The following PCDH7 variants were observed in gnomAD, a reference collection of about 807,000 sequenced individuals.
The protein encoded by PCDH7 is protocadherin-7.
Under a neutral mutation model 58.9 loss-of-function variants are expected in PCDH7, and 17 were observed. The ratio of observed to expected loss-of-function variants is 0.29; its 90% CI spans 0.20 to 0.43. The LOEUF is 0.43. Ranked by LOEUF, PCDH7 falls within the 20% of genes least tolerant of loss-of-function variation. The pLI, the probability that PCDH7 is intolerant of heterozygous loss-of-function variation, is 1.00. For missense variants in PCDH7, 1,274 were observed against 1,441.0 expected, an observed-to-expected ratio of 0.88 and a Z score of 1.88; for synonymous variants, 664 against 616.4, an observed-to-expected ratio of 1.08 and a Z score of -1.14.
At chr4:30,891,594 T>C (rs1738613423) in intron 1 of PCDH7, among the ~76,000 whole-genome samples, 1 of 152,034 alleles carries the variant, frequency 6.6e-6, no homozygotes, top group Admixed American at 6.6e-5. Flanking sequence ...AACTTATCAG[T>C]GTGTCTGATC....
intron 1 of PCDH7, among the ~76,000 whole-genome samples, chr4:30,895,350 A>G (rs1050866424): frequency 1.3e-5 from 2 of 152,154 alleles, no homozygotes; most frequent in South Asian, 2.1e-4. Context: ...TAGTTTAAGT[A>G]TCTTCAGGTA....
At chr4:30,961,113 A>T (rs1442079635) in intron 3 of PCDH7, among the ~76,000 whole-genome samples, 1 of 152,138 alleles carries the variant, frequency 6.6e-6, no homozygotes, top group African/African-American at 2.4e-5. Flanking sequence ...AAATGAATAC[A>T]GTCACTTATT....
chr4:30,940,771 A>C (rs1386356168), intron 2 of PCDH7, among the ~76,000 whole-genome samples: 1 of 152,046 alleles, frequency 6.6e-6, no homozygotes. Context: ...TAGTTAACCA[A>C]TTCAGGCAGC....
downstream of PCDH7, among the ~76,000 whole-genome samples, chr4:30,736,714 T>C (rs1279528984): frequency 6.6e-6 from 1 of 151,770 alleles, no homozygotes; most frequent in Non-Finnish European, 1.5e-5. Context: ...TTTTTTGAGT[T>C]TTTAGTAGAG....
At chr4:30,877,984 G>A (rs1206086709) in intron 1 of PCDH7, among the ~76,000 whole-genome samples, 1 of 152,142 alleles carries the variant, frequency 6.6e-6, no homozygotes, top group African/African-American at 2.4e-5. Flanking sequence ...TGAGGTAGAA[G>A]AGTTTATTTA....
intron 1 of PCDH7, among the ~76,000 whole-genome samples, chr4:30,914,961 A>C (rs1232129974): frequency 6.6e-6 from 1 of 152,150 alleles, no homozygotes; most frequent in Non-Finnish European, 1.5e-5. Context: ...ATACACACAC[A>C]TACCCCATTA....
intron 3 of PCDH7, among the ~76,000 whole-genome samples, chr4:31,011,332 T>C (rs1414774297): frequency 6.6e-6 from 1 of 152,040 alleles, no homozygotes; most frequent in Non-Finnish European, 1.5e-5. Context: ...TCAGTTGAAA[T>C]ACGGTCACTA....
chr4:30,849,146 T>A (rs1390943400), intron 1 of PCDH7, among the ~76,000 whole-genome samples: 1 of 152,100 alleles, frequency 6.6e-6, no homozygotes, highest in Non-Finnish European at 1.5e-5. Context: ...AATGTCAGTA[T>A]GGAAAACTGC....
chr4:30,766,419 AT>A (rs1259330359), intron 1 of PCDH7, among the ~76,000 whole-genome samples: 1 of 152,034 alleles, frequency 6.6e-6, no homozygotes, highest in Non-Finnish European at 1.5e-5. Flanking sequence ...TATTACTATT[AT>A]TTTTTCTTTT....
At chr4:30,814,305 A>G (rs997271681) in intron 1 of PCDH7, among the ~76,000 whole-genome samples, 1 of 152,040 alleles carries the variant, frequency 6.6e-6, no homozygotes, top group African/African-American at 2.4e-5. Context: ...ACATTTTGAC[A>G]ATTATTTTCA....
At chr4:30,818,842 A>C (rs1427921898) in intron 1 of PCDH7, among the ~76,000 whole-genome samples, 1 of 152,178 alleles carries the variant, frequency 6.6e-6, no homozygotes, top group Admixed American at 6.5e-5. Context: ...CCAATGGACT[A>C]CTGGCAGGGA....
chr4:30,839,876 G>T (rs2109337399), intron 1 of PCDH7, among the ~76,000 whole-genome samples: 1 of 152,216 alleles, frequency 6.6e-6, no homozygotes, highest in Middle Eastern at 3.4e-3. Flanking sequence ...ACTCATGCAT[G>T]CTAAATTAAG....
At chr4:31,122,020 T>TC (rs1197994927) in intron 3 of PCDH7, among the ~76,000 whole-genome samples, 8 of 152,092 alleles carry the variant, frequency 5.3e-5, no homozygotes, top group African/African-American at 1.7e-4. Flanking sequence ...ATTTTTTTTT[T>TC]CCCCAAAAGA....
chr4:31,021,933 A>G (rs934257918), intron 3 of PCDH7, among the ~76,000 whole-genome samples: 3 of 152,212 alleles, frequency 2.0e-5, no homozygotes, highest in Non-Finnish European at 1.5e-5. Flanking sequence ...CATCTTTGTA[A>G]AGTGTATCTT....
intron 3 of PCDH7, among the ~76,000 whole-genome samples, chr4:31,095,967 TACTC>T (rs1713918501): frequency 6.6e-6 from 1 of 152,346 alleles, no homozygotes; most frequent in South Asian, 2.1e-4. Context: ...CTTGCCATGA[TACTC>T]ACAATCATCA....
intron 1 of PCDH7, among the ~76,000 whole-genome samples, chr4:30,839,199 A>T (rs1219841365): frequency 1.3e-5 from 2 of 152,044 alleles, no homozygotes; most frequent in Non-Finnish European, 2.9e-5. Flanking sequence ...ATGTGTGTAC[A>T]TAACCAATTA....
At chr4:31,036,837 T>A (rs1345746116) in intron 3 of PCDH7, among the ~76,000 whole-genome samples, 1 of 152,182 alleles carries the variant, frequency 6.6e-6, no homozygotes, top group Admixed American at 6.5e-5. Flanking sequence ...GTTCCACATG[T>A]CTGGGGAGGC....
chr4:31,056,517 G>GA (rs1491230659), intron 3 of PCDH7, among the ~76,000 whole-genome samples: 1 of 95,038 alleles, frequency 1.1e-5, no homozygotes, highest in African/African-American at 4.2e-5. Flanking sequence ...AAGAAAGAAA[G>GA]GGGAAGGGAA....
chr4:30,944,346 A>T (rs61795883), intron 2 of PCDH7, among the ~76,000 whole-genome samples: 38,715 of 151,956 alleles, frequency 0.25, 5,196 homozygotes, highest in African/African-American at 0.34. Flanking sequence ...GTCAGCATAT[A>T]ATGAATTTAT....
Sources: gnomAD v4.1 joint callset for allele counts (sites outside exome capture counted in the v4.1 genomes callset) on GRCh38, gnomAD v4.1.1 for gene constraint, MANE v1.5 for transcripts, NCBI Gene and HGNC (gene_info 2026-07-23, HGNC 2026-07-21) for gene names.